TPTE: variants seen among roughly 807,000 people sequenced by gnomAD.
TPTE encodes transmembrane phosphatase with tensin homology.
In TPTE, 59 loss-of-function variants were observed where a neutral mutation model predicts 84.1. That is an observed-to-expected ratio of 0.70 (90% CI 0.57 to 0.87). The LOEUF is 0.87. Ranked by LOEUF, TPTE falls within the 40% of genes least tolerant of loss-of-function variation. The pLI, the probability that TPTE is intolerant of heterozygous loss-of-function variation, is 0.00. For missense variants in TPTE, 382 were observed against 659.6 expected, an observed-to-expected ratio of 0.58 and a Z score of 4.61; for synonymous variants, 130 against 223.5, an observed-to-expected ratio of 0.58 and a Z score of 3.73.
intron 3 of TPTE, among the ~76,000 whole-genome samples, chr21:10,533,994 T>C (rs1430984014): frequency 5.2e-4 from 80 of 152,390 alleles, no homozygotes; most frequent in African/African-American, 1.9e-3. Context: ...TTTTGTCTTA[T>C]TTGAATCAGT....
intron 2 of TPTE, among the ~76,000 whole-genome samples, chr21:10,525,185 C>T (rs572153016): frequency 1.3e-5 from 2 of 152,306 alleles, no homozygotes; most frequent in Non-Finnish European, 2.9e-5. Context: ...CAGTGAAGGT[C>T]ACAAATGGGT....
intron 4 of TPTE, among the ~76,000 whole-genome samples, chr21:10,540,229 A>T (rs1226421446): frequency 6.6e-6 from 1 of 152,274 alleles, no homozygotes; most frequent in African/African-American, 2.4e-5. Flanking sequence ...ACATGTGTCT[A>T]TGCATATACA....
rs529668966 is a variant in TPTE, at chr21:10,566,922, A to G, written c.447-748A>G. Among the ~76,000 whole-genome samples, 23 of 152,286 alleles carry G rather than the reference A, an allele frequency of 1.5e-4. No homozygotes were observed. The South Asian group carries it at 3.7e-3, about 25-fold the overall frequency. On this transcript the variant is annotated intron_variant, in intron 10 of 23. Transcript: ENST00000618007. The stretch of plus-strand genomic sequence containing the variant: ...AACCCAGGAGGTGGAGGTTGCAGTG[A>G]GCCGAGATCACGCCATTGCACTCCA...
At chr21:10,594,462 G>A (rs528953478) in intron 19 of TPTE, among the ~76,000 whole-genome samples, 28 of 152,356 alleles carry the variant, frequency 1.8e-4, no homozygotes, top group African/African-American at 6.0e-4. Flanking sequence ...TTTGTTTGTA[G>A]TGAGTGCCTC....
intron 22 of TPTE, 107 bp from the exon 23 acceptor site, chr21:10,603,455 A>C: frequency 8.6e-7 from 1 of 1,169,338 alleles, no homozygotes; most frequent in Non-Finnish European, 1.2e-6. Context: ...TTTAATGGTT[A>C]TAATTGTTTG....
intron 17 of TPTE, among the ~76,000 whole-genome samples, chr21:10,589,257 T>C (rs1326318305): frequency 6.6e-6 from 1 of 152,306 alleles, no homozygotes; most frequent in Admixed American, 6.5e-5. Context: ...TAGGGTCTTT[T>C]GGCTTTGCTT....
chr21:10,543,660 C>CT (rs1203240374), intron 7 of TPTE, among the ~76,000 whole-genome samples: 43 of 152,282 alleles, frequency 2.8e-4, no homozygotes, highest in Non-Finnish European at 5.1e-4. Context: ...AACTTTGCAC[C>CT]TTTTTTTGAT....
In TPTE at chr21:10,521,627, G is replaced by A. The variant is rs1236673322; in HGVS notation, c.-278G>A. 3.3e-5 allele frequency: 5 copies of A among 149,736 alleles called. No homozygotes were observed. Among genetic ancestry groups the A allele is most frequent in the African/African-American group, 9.8e-5 (4 of 40,690 alleles). The allele number at this position is 149,736 out of a possible 1,614,324, so 9.3% of individuals were successfully genotyped here. A position where few individuals can be genotyped will look rare whatever the true frequency, so the allele number is the denominator to read the frequency against. ...CAGTTTCTGACCCAACAGTTACCCA[G>A]CGCCGGACTCGCTGCGCCCCGGCGG... On this transcript the variant is annotated 5_prime_UTR_variant, in exon 1 of 24. Transcript: ENST00000618007.
At chr21:10,555,794 G>T (rs985257112) in intron 8 of TPTE, among the ~76,000 whole-genome samples, 2 of 152,296 alleles carry the variant, frequency 1.3e-5, no homozygotes, top group Non-Finnish European at 2.9e-5. Flanking sequence ...CCCATTTCTA[G>T]TCTATCAATG....
At chr21:10,594,478 T>A (rs1236353800) in intron 19 of TPTE, among the ~76,000 whole-genome samples, 1 of 152,312 alleles carries the variant, frequency 6.6e-6, no homozygotes, top group African/African-American at 2.4e-5. Context: ...GCCTCCTATG[T>A]GTTGGTTGTA....
chr21:10,587,424 G>A (rs1223796247), intron 17 of TPTE, among the ~76,000 whole-genome samples: 1 of 152,308 alleles, frequency 6.6e-6, no homozygotes, highest in Non-Finnish European at 1.5e-5. Context: ...TGATGTCCAT[G>A]AGCACCCATT....
chr21:10,528,930 T>A (rs1296014805), intron 3 of TPTE, among the ~76,000 whole-genome samples: 1 of 152,304 alleles, frequency 6.6e-6, no homozygotes, highest in Non-Finnish European at 1.5e-5. Flanking sequence ...CTCAAGCCTG[T>A]AATCCCAGCA....
At chr21:10,570,647 A>G in intron 14 of TPTE, 98 bp downstream of exon 14, 1 of 1,597,870 alleles carries the variant, frequency 6.3e-7, no homozygotes, top group Non-Finnish European at 8.5e-7. Flanking sequence ...ATTCTTTTAA[A>G]AATGTACTCT....
intron 7 of TPTE, among the ~76,000 whole-genome samples, chr21:10,548,713 G>C (rs377053561): frequency 1.3e-5 from 2 of 152,310 alleles, no homozygotes; most frequent in Non-Finnish European, 1.5e-5. Flanking sequence ...CTATATATTT[G>C]GTCCATGAGT....
intron 19 of TPTE, among the ~76,000 whole-genome samples, chr21:10,594,458 T>C (rs1430637490): frequency 6.6e-6 from 1 of 152,312 alleles, no homozygotes; most frequent in Non-Finnish European, 1.5e-5. Flanking sequence ...TTTCTTTGTT[T>C]GTAGTGAGTG....
chr21:10,550,787 G>T (rs1490586814), intron 7 of TPTE, among the ~76,000 whole-genome samples: 2 of 152,308 alleles, frequency 1.3e-5, no homozygotes, highest in Non-Finnish European at 2.9e-5. Context: ...TCACCTAACA[G>T]CTGCAGAATA....
intron 17 of TPTE, among the ~76,000 whole-genome samples, chr21:10,586,024 C>G (rs1245128902): frequency 6.6e-6 from 1 of 152,290 alleles, no homozygotes; most frequent in Admixed American, 6.5e-5. Context: ...TTAAAAGAAC[C>G]AAGTTTTTGG....
intron 1 of TPTE, among the ~76,000 whole-genome samples, chr21:10,524,321 G>T (rs1407827062): frequency 6.6e-6 from 1 of 152,300 alleles, no homozygotes. Flanking sequence ...ATACCCAGCT[G>T]GGGGGACCAC....
Position 10,566,193 on chromosome 21 carries a change from A to C in TPTE, c.447-1477A>C, listed in dbSNP as rs1170841444. 2.0e-5 allele frequency among the ~76,000 whole-genome samples: 3 copies of C among 152,306 alleles called. No homozygotes were observed. In the East Asian group the frequency reaches 5.8e-4, roughly 29 times the overall value. ...ATCTAATAATCTAATCTTTTAAATG[A>C]TAAGATTTGAATAGGCATTTCTCAA... is the stretch of plus-strand genomic sequence containing the variant. On this transcript the variant is annotated intron_variant, in intron 10 of 23. Transcript: ENST00000618007.
Sources: gnomAD v4.1 joint callset for allele counts (sites outside exome capture counted in the v4.1 genomes callset) on GRCh38, gnomAD v4.1.1 for gene constraint, MANE v1.5 for transcripts, NCBI Gene and HGNC (gene_info 2026-07-23, HGNC 2026-07-21) for gene names.